ECE1: variants seen among roughly 807,000 people sequenced by gnomAD.
The protein encoded by ECE1 is endothelin-converting enzyme 1.
In ECE1, 35 loss-of-function variants were observed where a neutral mutation model predicts 98.6. The observed-to-expected ratio is 0.35, with a 90% confidence interval of 0.27 to 0.47. The LOEUF (loss-of-function observed/expected upper bound fraction) is 0.47. Among genes scored for constraint, ECE1 ranks in the 20% least tolerant of loss-of-function variants. The pLI is 1.00. For missense variants in ECE1, 814 were observed against 1,025.3 expected, an observed-to-expected ratio of 0.79 and a Z score of 2.81; for synonymous variants, 394 against 407.1, an observed-to-expected ratio of 0.97 and a Z score of 0.39.
chr1:21,253,692 G>C (rs1472950374), intron 8 of ECE1, among the ~76,000 whole-genome samples: 1 of 150,798 alleles, frequency 6.6e-6, no homozygotes, highest in Non-Finnish European at 1.5e-5. Flanking sequence ...GAACCCAGGA[G>C]GTGGAGCTTG....
chr1:21,245,131 C>T (rs769567766), intron 9 of ECE1, 28 bp from the exon 10 acceptor site: 1 of 1,593,574 alleles, frequency 6.3e-7, no homozygotes, highest in South Asian at 1.1e-5. Context: ...CAGAGAGGCT[C>T]AGGGACACCT....
intron 1 of ECE1, among the ~76,000 whole-genome samples, chr1:21,318,623 G>C (rs555581631): frequency 2.4e-4 from 37 of 152,014 alleles, no homozygotes; most frequent in African/African-American, 8.2e-4. Flanking sequence ...TTTAGAACCA[G>C]TGAGCCTTCC....
intron 1 of ECE1, among the ~76,000 whole-genome samples, chr1:21,328,280 T>C (rs564787546): frequency 6.6e-6 from 1 of 152,370 alleles, no homozygotes; most frequent in East Asian, 1.9e-4. Flanking sequence ...GGATGGCTCC[T>C]CTGACATAAA....
intron 8 of ECE1, among the ~76,000 whole-genome samples, chr1:21,253,871 C>A (rs1466080514): frequency 6.7e-6 from 1 of 150,308 alleles, no homozygotes; most frequent in Admixed American, 6.6e-5. Context: ...GAGTTCGAGA[C>A]CAGCCTGACC....
chr1:21,282,588 G>GAAA (rs34279756), intron 2 of ECE1, among the ~76,000 whole-genome samples: 17 of 120,206 alleles, frequency 1.4e-4, no homozygotes, highest in South Asian at 5.5e-4. Flanking sequence ...ACGCTGTCTT[G>GAAA]AAAAAAAAAA....
intron 3 of ECE1, among the ~76,000 whole-genome samples, chr1:21,278,650 T>A (rs975619544): frequency 1.3e-5 from 2 of 152,198 alleles, no homozygotes; most frequent in African/African-American, 4.8e-5. Flanking sequence ...GGAAATGAGA[T>A]TGCATCTGAA....
At chr1:21,342,680 G>A (rs1192091258) in intron 1 of ECE1, among the ~76,000 whole-genome samples, 1 of 151,486 alleles carries the variant, frequency 6.6e-6, no homozygotes, top group Non-Finnish European at 1.5e-5. Context: ...GGAACCCAGG[G>A]GCCAAGGACA....
At chr1:21,257,396 GT>G (rs1471889833) in intron 7 of ECE1, 128 bp downstream of exon 7, 10 of 1,020,096 alleles carry the variant, frequency 9.8e-6, no homozygotes. Flanking sequence ...GGGTCTGCCT[GT>G]TTCACCCATC....
At chr1:21,262,341 G>A (rs375410391) in intron 4 of ECE1, among the ~76,000 whole-genome samples, 6 of 152,326 alleles carry the variant, frequency 3.9e-5, no homozygotes, top group African/African-American at 1.4e-4. Flanking sequence ...TGAGGGGAGG[G>A]CGGAAATGGG....
rs116400333 is a variant in ECE1 at position 21,333,905 on chromosome 1, G to A, written c.3+11471C>T. 8.2e-3 allele frequency among the ~76,000 whole-genome samples: 1,241 copies of A among 151,846 alleles called. 10 individuals carry two copies. The highest frequency in any genetic ancestry group is 9.4e-3 in the Non-Finnish European group (638 of 68,002). On this transcript the variant is annotated intron_variant, in intron 1 of 18. Coordinates refer to the ECE1 transcript ENST00000415912. ...CTCCCAAGGGCCAACTCCGTGCACC[G>A]TCCTGTGAGCTTTACAACCTGTCAT...
upstream of ECE1, among the ~76,000 whole-genome samples, chr1:21,291,087 C>G (rs981157325): frequency 6.6e-6 from 1 of 152,034 alleles, no homozygotes; most frequent in Non-Finnish European, 1.5e-5. Flanking sequence ...AGGAAGGGGA[C>G]CCTTCTTTCC....
rs1304765361 is a variant in ECE1, at chr1:21,227,172, A to G, written c.1836T>C (p.Ala612=). The change falls in exon 16 of 19, where the codon GCT becomes GCC. Residue 612 remains alanine, a synonymous_variant. Transcript: ENST00000374893. ...GVVVGHELTH[A]FDDQGREYDK... is the part of the protein sequence containing the mutation. Reference sequence around the variant, plus strand: ...TGGAATTCGTACCTTGATCATCAAAAGCATGAGTCAGCTCATGGCCCACGA... The same window carrying G: ...TGGAATTCGTACCTTGATCATCAAAGGCATGAGTCAGCTCATGGCCCACGA... 1 of 1,614,162 alleles carries G rather than the reference A, an allele frequency of 6.2e-7. No homozygotes were observed.
intron 1 of ECE1, among the ~76,000 whole-genome samples, chr1:21,323,433 C>T (rs76233799): frequency 0.051 from 7,745 of 152,170 alleles, 276 homozygotes; most frequent in South Asian, 0.11. Context: ...GCACTGTTCT[C>T]GACAGATATA....
At chr1:21,288,731 C>T (rs918903735) in intron 2 of ECE1, among the ~76,000 whole-genome samples, 1 of 152,232 alleles carries the variant, frequency 6.6e-6, no homozygotes, top group African/African-American at 2.4e-5. Flanking sequence ...TAATTTCCTG[C>T]TGGCTTCAGC....
At chr1:21,292,986 G>C (rs1558418953), upstream of ECE1, among the ~76,000 whole-genome samples, 1 of 152,194 alleles carries the variant, frequency 6.6e-6, no homozygotes, top group African/African-American at 2.4e-5. Flanking sequence ...TACGTTACCA[G>C]GTGTCGATTG....
chr1:21,243,400 TAAAA>T lies in ECE1; in HGVS notation c.1278+1585_1278+1588del, dbSNP rs10596193. ...TCTTAAAATAAACACATAAATATAT[TAAAA>T]AAAAAAAAAAAACAGAGACAGGATC... is the stretch of plus-strand genomic sequence containing the variant. On this transcript the variant is annotated intron_variant, in intron 10 of 18. Coordinates refer to ENST00000374893, the MANE Select transcript of ECE1 (RefSeq NM_001397.3). Among the ~76,000 whole-genome samples the T allele has an allele frequency of 3.6e-3, 516 of 142,662 alleles. 3 individuals carry two copies. Among genetic ancestry groups the T allele is most frequent in the African/African-American group, 0.012 (471 of 39,648 alleles). 93.6% of individuals were successfully genotyped at this position (142,662 alleles called of 152,430 possible).
chr1:21,268,901 G>T (rs1467303212), intron 4 of ECE1, among the ~76,000 whole-genome samples: 3 of 152,210 alleles, frequency 2.0e-5, no homozygotes, highest in Non-Finnish European at 4.4e-5. Context: ...CACAGGTGAG[G>T]GGCCATTTCC....
In ECE1 at chr1:21,220,987, C is replaced by T. The variant is rs1370875010; in HGVS notation, c.2136+760G>A. On this transcript the variant is annotated intron_variant, in intron 18 of 18. Transcript: ENST00000374893. The surrounding 1 kb of genome is among the most constrained non-coding windows in gnomAD (Gnocchi z 5.0). ...CTCCAAACTGTTCTCCTTCAGCCAGCGCAGCATCTCTGAGGCAACTGCATT... is the reference window on the plus strand; with the variant it reads ...CTCCAAACTGTTCTCCTTCAGCCAGTGCAGCATCTCTGAGGCAACTGCATT... Among the ~76,000 whole-genome samples the T allele has an allele frequency of 2.0e-5, 3 of 152,212 alleles. No individual in the cohort carries two copies. Among genetic ancestry groups the T allele is most frequent in the Admixed American group, 1.3e-4 (2 of 15,278 alleles).
chr1:21,220,231 C>T lies in ECE1; in HGVS notation c.2137-100G>A. 3 of 1,359,022 alleles carry T rather than the reference C, an allele frequency of 2.2e-6. No individual in the cohort carries two copies. Among genetic ancestry groups the T allele is most frequent in the South Asian group, 2.8e-5 (2 of 70,266 alleles). The allele number at this position is 1,359,022 out of a possible 1,614,324, so 84.2% of individuals were successfully genotyped here. On this transcript the variant is annotated intron_variant, in intron 18 of 18. Coordinates refer to ENST00000374893, the MANE Select transcript of ECE1 (RefSeq NM_001397.3). This position sits in a 1 kb window ranked among gnomAD's most constrained non-coding sequence, Gnocchi z 5.0. ...GCAGGGGAGGCCAGGTGCGGTGGCT[C>T]ACACCTGTAATCCCAGCACTTTGGG... is the stretch of plus-strand genomic sequence containing the variant.
Sources: gnomAD v4.1 joint callset for allele counts (sites outside exome capture counted in the v4.1 genomes callset) on GRCh38, gnomAD v4.1.1 for gene constraint, Gnocchi (gnomAD v3.1) non-coding constraint, MANE v1.5 for transcripts, NCBI Gene and HGNC (gene_info 2026-07-23, HGNC 2026-07-21) for gene names.